PLEKHS1: variants seen among roughly 807,000 people sequenced by gnomAD.
PLEKHS1 encodes pleckstrin homology domain containing S1.
Under a neutral mutation model 51.0 loss-of-function variants are expected in PLEKHS1, and 55 were observed. That is an observed-to-expected ratio of 1.08 (90% CI 0.87 to 1.35). The LOEUF (loss-of-function observed/expected upper bound fraction) is 1.35. PLEKHS1 is among the 40% of genes most tolerant of loss of function. The pLI is 0.00. For synonymous variants in PLEKHS1, 153 were observed against 144.8 expected (o/e 1.06, Z -0.41); for missense variants, 398 against 423.0 (o/e 0.94, Z 0.52).
intron 11 of PLEKHS1, 147 bp downstream of exon 11, chr10:113,776,013 A>C: frequency 3.6e-6 from 2 of 553,224 alleles, no homozygotes; most frequent in Non-Finnish European, 6.1e-6. Context: ...TGTTACAAAA[A>C]AATCTTTGAG....
chr10:113,766,382 AC>A (rs771259353), intron 2 of PLEKHS1, 28 bp from the exon 3 acceptor site: 1 of 1,379,838 alleles, frequency 7.2e-7, no homozygotes, highest in Non-Finnish European at 1.0e-6. Context: ...TTTATGAGGA[AC>A]AAACTGAGTT....
At chr10:113,755,116 A>G in intron 1 of PLEKHS1, 143 bp from the exon 2 acceptor site, 1 of 834,266 alleles carries the variant, frequency 1.2e-6, no homozygotes, top group Non-Finnish European at 1.7e-6. Context: ...GAAATACTAA[A>G]GAAAGGATGG....
At chr10:113,760,237 C>T (rs1843858720) in intron 2 of PLEKHS1, among the ~76,000 whole-genome samples, 1 of 152,112 alleles carries the variant, frequency 6.6e-6, no homozygotes, top group Admixed American at 6.6e-5. Flanking sequence ...ATAGATGTAT[C>T]ACAATGTGTT....
intron 11 of PLEKHS1, chr10:113,777,802 C>G (rs2134585560): frequency 7.0e-7 from 1 of 1,429,938 alleles, no homozygotes; most frequent in Non-Finnish European, 9.1e-7. Context: ...ACAGCCCTAA[C>G]TTCCTCATAG....
intron 1 of PLEKHS1, 44 bp from the exon 2 acceptor site, chr10:113,755,215 C>T (rs920910637): frequency 5.3e-5 from 83 of 1,561,088 alleles, no homozygotes; most frequent in Non-Finnish European, 2.9e-5. Flanking sequence ...ATGAAACACA[C>T]GTAGTGTTGT....
At chr10:113,761,796 G>A (rs1843943947) in intron 2 of PLEKHS1, among the ~76,000 whole-genome samples, 1 of 151,942 alleles carries the variant, frequency 6.6e-6, no homozygotes, top group South Asian at 2.1e-4. Context: ...TTTTAAATAA[G>A]TTTGCTAAGA....
At chr10:113,764,150 G>A (rs1490153556) in intron 2 of PLEKHS1, among the ~76,000 whole-genome samples, 1 of 152,158 alleles carries the variant, frequency 6.6e-6, no homozygotes, top group African/African-American at 2.4e-5. Context: ...GCCCAGGCTG[G>A]AGTGCAGTGG....
intron 5 of PLEKHS1, among the ~76,000 whole-genome samples, chr10:113,767,884 A>C (rs1374886881): frequency 2.0e-5 from 3 of 152,156 alleles, no homozygotes; most frequent in Non-Finnish European, 4.4e-5. Flanking sequence ...CCCTGTGTGC[A>C]TAGCTCTGTG....
chr10:113,783,204 A>G (rs1373274755), downstream of PLEKHS1: 1 of 151,702 alleles, frequency 6.6e-6, no homozygotes, highest in Non-Finnish European at 1.5e-5. Flanking sequence ...ATTGCACTCC[A>G]GCCTGGGCAA....
chr10:113,766,136 C>T (rs997668596), intron 2 of PLEKHS1, among the ~76,000 whole-genome samples: 3 of 152,192 alleles, frequency 2.0e-5, no homozygotes, highest in Non-Finnish European at 2.9e-5. Context: ...TTTGCTCACA[C>T]GTAGAGAGCC....
At chr10:113,777,770 T>G in intron 11 of PLEKHS1, 1 of 1,450,394 alleles carries the variant, frequency 6.9e-7, no homozygotes, top group Non-Finnish European at 9.0e-7. Flanking sequence ...AAAGCCTCAG[T>G]TTCATTATCT....
intron 11 of PLEKHS1, chr10:113,777,893 G>A: frequency 2.6e-6 from 2 of 767,288 alleles, no homozygotes; most frequent in Non-Finnish European, 3.8e-6. Flanking sequence ...GGAAGGCCAA[G>A]GCAGGAGAAT....
intron 7 of PLEKHS1, 43 bp from the exon 8 acceptor site, chr10:113,771,927 T>A (rs1276085793): frequency 1.3e-6 from 2 of 1,582,906 alleles, no homozygotes; most frequent in Middle Eastern, 1.7e-4. Flanking sequence ...TAATTCTATC[T>A]CTTGCAAAGA....
chr10:113,754,439 G>A (rs1228856991), intron 1 of PLEKHS1, among the ~76,000 whole-genome samples: 1 of 152,142 alleles, frequency 6.6e-6, no homozygotes, highest in Non-Finnish European at 1.5e-5. Flanking sequence ...AGGATCGCCA[G>A]CAGCTGGCCA....
chr10:113,778,643 C>CTTTT (rs55821501), intron 11 of PLEKHS1, among the ~76,000 whole-genome samples: 1,319 of 127,072 alleles, frequency 0.01, 37 homozygotes, highest in East Asian at 0.029. Context: ...CGTTCACTTT[C>CTTTT]TTTTTTTTTT....
At chr10:113,780,957 G>C in exon 12 of PLEKHS1, 1 of 625,180 alleles carries the variant, frequency 1.6e-6, no homozygotes, top group African/African-American at 1.8e-5. Flanking sequence ...GATGCTAAGA[G>C]GGTCATGTGG....
intron 2 of PLEKHS1, among the ~76,000 whole-genome samples, chr10:113,759,896 A>G (rs1325130093): frequency 1.3e-5 from 2 of 152,218 alleles, no homozygotes; most frequent in Non-Finnish European, 2.9e-5. Context: ...GTAGGCTGAC[A>G]TGTTTAAAGT....
In PLEKHS1 at chr10:113,763,285, A is replaced by G. The variant is rs9664343; in HGVS notation, c.29-3126A>G. Among the ~76,000 whole-genome samples, 610 of 152,226 alleles carry G rather than the reference A, an allele frequency of 4.0e-3. 7 individuals are homozygous for G. Among genetic ancestry groups the G allele is most frequent in the African/African-American group, 0.014 (590 of 41,562 alleles). On this transcript the variant is annotated intron_variant, in intron 2 of 11. Transcript: ENST00000361048. The stretch of plus-strand genomic sequence containing the variant: ...TTTCTTTGACTAGCGTTGGCATAGC[A>G]TATCTTTTTTTCCAGTTATTTCCTT...
chr10:113,767,450 C>G (rs749834938), exon 5 of PLEKHS1: 11 of 1,613,144 alleles, frequency 6.8e-6, no homozygotes, highest in Middle Eastern at 1.7e-4. Flanking sequence ...GAACCACTAA[C>G]AGGGAATACT....
Sources: allele counts gnomAD v4.1 joint callset (sites outside exome capture counted in the v4.1 genomes callset), GRCh38; gene constraint gnomAD v4.1.1; transcripts MANE v1.5; gene names NCBI Gene and HGNC (gene_info 2026-07-23, HGNC 2026-07-21).